The following RIMS4 variants were observed in gnomAD, a reference collection of about 807,000 sequenced individuals.
RIMS4 encodes the protein regulating synaptic membrane exocytosis protein 4.
Under a neutral mutation model 29.0 loss-of-function variants are expected in RIMS4, and 9 were observed. The ratio of observed to expected loss-of-function variants is 0.31; its 90% CI spans 0.19 to 0.54. The LOEUF is 0.54. Among genes scored for constraint, RIMS4 ranks in the 20% least tolerant of loss-of-function variants. RIMS4 has a pLI of 0.94. For synonymous variants in RIMS4, 130 were observed against 152.9 expected, an observed-to-expected ratio of 0.85 and a Z score of 1.10; for missense variants, 193 against 365.7, an observed-to-expected ratio of 0.53 and a Z score of 3.85.
At position 44,755,913 on chromosome 20, in the gene RIMS4, G is replaced by A; in HGVS notation, c.*221C>T. 2 of 534,920 alleles carry A rather than the reference G, an allele frequency of 3.7e-6. No homozygotes were observed. Among genetic ancestry groups the A allele is most frequent in the Admixed American group, 6.2e-5 (2 of 32,352 alleles). The allele number at this position is 534,920 out of a possible 1,614,324, so 33.1% of individuals were successfully genotyped here. On this transcript the variant is annotated 3_prime_UTR_variant, in exon 6 of 6. Coordinates refer to ENST00000372851, the MANE Select transcript of RIMS4 (RefSeq NM_182970.4). Reference sequence around the variant, plus strand: ...ATCCACCAGGTCAAGAACCGGCCAAGTCAAAAGTGTAGCCAATCCCGTTGG... The same window carrying A: ...ATCCACCAGGTCAAGAACCGGCCAAATCAAAAGTGTAGCCAATCCCGTTGG...
intron 4 of RIMS4, 149 bp from the exon 5 acceptor site, chr20:44,757,186 G>A (rs1282128232): frequency 1.5e-5 from 12 of 802,024 alleles, no homozygotes; most frequent in Non-Finnish European, 2.4e-5. Flanking sequence ...CATGGGGGGT[G>A]GGCATTTGGG....
chr20:44,805,995 C>G (rs117545120), intron 1 of RIMS4, among the ~76,000 whole-genome samples: 1 of 152,204 alleles, frequency 6.6e-6, no homozygotes, highest in Non-Finnish European at 1.5e-5. Context: ...ACTATCCCAC[C>G]CCGCCCCCAG....
Position 44,810,167 on chromosome 20 carries a change from G to T in RIMS4, c.97+8C>A, listed in dbSNP as rs1317570493. On this transcript the variant is annotated splice_region_variant and intron_variant, in intron 1 of 5. Transcript: ENST00000372851. ...CCCGGGGGTCTGGGGGGCGGGCCGC[G>T]CGCTTACCTGCGTCCTCGTCGTCGA... 2 of 1,574,696 alleles carry T rather than the reference G, an allele frequency of 1.3e-6. No individual in the cohort carries two copies. Among genetic ancestry groups the T allele is most frequent in the East Asian group, 2.3e-5 (1 of 43,034 alleles).
At chr20:44,799,766 G>A (rs2066269949) in intron 1 of RIMS4, among the ~76,000 whole-genome samples, 1 of 152,196 alleles carries the variant, frequency 6.6e-6, no homozygotes, top group South Asian at 2.1e-4. Context: ...CCTGAGCTGT[G>A]TATCCAGAAA....
chr20:44,772,165 A>ACTC (rs966967745), intron 1 of RIMS4, among the ~76,000 whole-genome samples: 30 of 151,540 alleles, frequency 2.0e-4, no homozygotes, highest in African/African-American at 7.0e-4. Flanking sequence ...TCAGCCGCCC[A>ACTC]CTCCTTCCAT....
rs1467160753 is a variant in RIMS4 at position 44,752,684 on chromosome 20, G to A, written c.*3450C>T. Reference sequence around the variant, plus strand: ...AAAACAAAGTCTGAAAAGCACAACAGGAAGGCCAGGTCTCACTGCATCTGA... The same window carrying A: ...AAAACAAAGTCTGAAAAGCACAACAAGAAGGCCAGGTCTCACTGCATCTGA... On this transcript the variant is annotated 3_prime_UTR_variant, in exon 6 of 6. Coordinates refer to ENST00000372851, the MANE Select transcript of RIMS4 (RefSeq NM_182970.4). 1 of 152,512 alleles carries A rather than the reference G, an allele frequency of 6.6e-6. No individual in the cohort carries two copies. The highest frequency in any genetic ancestry group is 1.5e-5 in the Non-Finnish European group (1 of 68,256). 9.4% of individuals were successfully genotyped at this position (152,512 alleles called of 1,614,324 possible).
chr20:44,756,883 G>A lies in RIMS4; in HGVS notation c.591+15C>T, dbSNP rs1277091186. 17 of 1,612,890 alleles carry A rather than the reference G, an allele frequency of 1.1e-5. 1 individual carries two copies. The highest frequency in any genetic ancestry group is 3.3e-5 in the Admixed American group (2 of 59,968). ...CGTGCACACACACACACGTGAGCGC[G>A]TCAATGCCCCTCACCTGGAGGACTT... On this transcript the variant is annotated intron_variant, in intron 5 of 5. Transcript: ENST00000372851. The surrounding 1 kb of genome is among the most constrained non-coding windows in gnomAD (Gnocchi z 5.9).
chr20:44,787,425 A>T (rs979919463), intron 1 of RIMS4, among the ~76,000 whole-genome samples: 3 of 152,174 alleles, frequency 2.0e-5, no homozygotes, highest in Non-Finnish European at 2.9e-5. Context: ...CCCCACAACA[A>T]TCTGTGAAAT....
At chr20:44,809,081 C>T (rs1401603007) in intron 1 of RIMS4, among the ~76,000 whole-genome samples, 1 of 152,166 alleles carries the variant, frequency 6.6e-6, no homozygotes, top group Non-Finnish European at 1.5e-5. Context: ...CACTGAACTC[C>T]ACCCTCACAC....
At chr20:44,774,722 C>A (rs566486041) in intron 1 of RIMS4, among the ~76,000 whole-genome samples, 201 of 152,288 alleles carry the variant, frequency 1.3e-3, no homozygotes, top group South Asian at 6.4e-3. Flanking sequence ...ACCATCCTGA[C>A]CTTTCACCCT....
chr20:44,771,183 G>C lies in RIMS4; in HGVS notation c.236+92C>G, dbSNP rs1248674670. 17 of 1,458,404 alleles carry C rather than the reference G, an allele frequency of 1.2e-5. No individual in the cohort carries two copies. The Admixed American group carries it at 1.8e-4, about 16-fold the overall frequency. The allele number at this position is 1,458,404 out of a possible 1,614,324, so 90.3% of individuals were successfully genotyped here. On this transcript the variant is annotated intron_variant, in intron 2 of 5. Transcript: ENST00000372851. ...GCTGGCGCTTTCACAGCCTGGAGCT[G>C]CCCTAGGGCTCCCAGAGGGGTTGCT...
intron 3 of RIMS4, 129 bp from the exon 4 acceptor site, chr20:44,757,900 A>C (rs749934723): frequency 8.2e-5 from 80 of 975,708 alleles, no homozygotes; most frequent in Middle Eastern, 2.1e-4. Flanking sequence ...ACCAGAACCA[A>C]CTCCCACCAA....
intron 1 of RIMS4, among the ~76,000 whole-genome samples, chr20:44,788,533 A>G (rs1114162): frequency 0.44 from 66,615 of 151,924 alleles, 15,497 homozygotes; most frequent in African/African-American, 0.58. Context: ...AGCAGTTTAG[A>G]AGGCCAAAGC....
intron 1 of RIMS4, among the ~76,000 whole-genome samples, chr20:44,803,371 T>C (rs920401585): frequency 1.2e-4 from 19 of 152,318 alleles, no homozygotes; most frequent in African/African-American, 3.8e-4. Context: ...AATGAGGAAA[T>C]GGGCTAGATG....
intron 1 of RIMS4, among the ~76,000 whole-genome samples, chr20:44,773,607 C>T (rs1011227709): frequency 6.6e-6 from 1 of 152,152 alleles, no homozygotes; most frequent in Admixed American, 6.5e-5. Flanking sequence ...GGTGCCCCCA[C>T]CCCGGATCCA....
At chr20:44,809,115 G>A (rs747793925) in intron 1 of RIMS4, among the ~76,000 whole-genome samples, 21 of 152,094 alleles carry the variant, frequency 1.4e-4, no homozygotes, top group Non-Finnish European at 4.4e-5. Flanking sequence ...GCATCGATAC[G>A]ATGATCCCCA....
rs1275546475 is a variant in RIMS4 at position 44,752,269 on chromosome 20, C to G, written c.*3865G>C. The G allele has an allele frequency of 1.3e-5, 2 of 152,276 alleles. No individual in the cohort carries two copies. Among genetic ancestry groups the G allele is most frequent in the African/African-American group, 4.8e-5 (2 of 41,434 alleles). 9.4% of individuals were successfully genotyped at this position (152,276 alleles called of 1,614,324 possible). ...CAGGGAGAGGGGCTCGGTCCCTGGGCCTGACACAGCACTGCTGCTCAATAA... is the reference window on the plus strand; with the variant it reads ...CAGGGAGAGGGGCTCGGTCCCTGGGGCTGACACAGCACTGCTGCTCAATAA... On this transcript the variant is annotated 3_prime_UTR_variant, in exon 6 of 6. Transcript: ENST00000372851.
chr20:44,776,705 G>T (rs35449266), intron 1 of RIMS4, among the ~76,000 whole-genome samples: 48,584 of 151,998 alleles, frequency 0.32, 7,934 homozygotes, highest in East Asian at 0.46. Flanking sequence ...GCCTAGGTGG[G>T]CTGGGACACA....
chr20:44,809,001 C>G (rs2066311076), intron 1 of RIMS4, among the ~76,000 whole-genome samples: 1 of 152,176 alleles, frequency 6.6e-6, no homozygotes, highest in African/African-American at 2.4e-5. Context: ...ATACACTCCT[C>G]CAGCACATAC....
Sources: gnomAD v4.1 joint callset for allele counts (sites outside exome capture counted in the v4.1 genomes callset) on GRCh38, gnomAD v4.1.1 for gene constraint, Gnocchi (gnomAD v3.1) non-coding constraint, MANE v1.5 for transcripts, NCBI Gene and HGNC (gene_info 2026-07-23, HGNC 2026-07-21) for gene names.